The following NPIPB2 variants were observed in gnomAD, a reference collection of about 807,000 sequenced individuals.
NPIPB2 encodes the protein nuclear pore complex interacting protein family member B2.
NPIPB2 carries 27 observed loss-of-function variants against 30.8 expected under a neutral mutation model. The ratio of observed to expected loss-of-function variants is 0.88; its 90% CI spans 0.65 to 1.21. The LOEUF (loss-of-function observed/expected upper bound fraction) is 1.21. Among genes scored for constraint, NPIPB2 ranks in the 50% most tolerant of loss-of-function variants. NPIPB2 has a pLI of 0.00. For missense variants in NPIPB2, 440 were observed against 446.2 expected (o/e 0.99, Z 0.13); for synonymous variants, 147 against 162.0 (o/e 0.91, Z 0.70).
intron 1 of NPIPB2, among the ~76,000 whole-genome samples, chr16:11,958,832 C>T (rs977330857): frequency 7.2e-5 from 11 of 152,104 alleles, no homozygotes; most frequent in African/African-American, 2.4e-4. Flanking sequence ...AGCTGAGCTA[C>T]CATGGGTGAG....
chr16:11,964,403 G>A (rs11570133), intron 1 of NPIPB2, among the ~76,000 whole-genome samples: 5 of 151,608 alleles, frequency 3.3e-5, no homozygotes, highest in African/African-American at 1.2e-4. Flanking sequence ...CATCACCTCT[G>A]ATCTTCCTGT....
At position 11,976,024 on chromosome 16, in the gene NPIPB2, G is replaced by A. The variant is rs368284588; in HGVS notation, c.-584+544C>T. 2.2e-4 allele frequency among the ~76,000 whole-genome samples: 33 copies of A among 152,008 alleles called. No individual in the cohort carries two copies. In the East Asian group the frequency reaches 4.5e-3, roughly 21 times the overall value. ...TTGAACTGCTGGCCTCAAGCGATCC[G>A]CCTGCCTCCGCCCTCCCAAGTGCTG... On this transcript the variant is annotated intron_variant, in intron 1 of 5. Coordinates refer to the NPIPB2 transcript ENST00000538896.
At chr16:11,973,020 C>A (rs982354755) in intron 1 of NPIPB2, among the ~76,000 whole-genome samples, 1 of 151,510 alleles carries the variant, frequency 6.6e-6, no homozygotes, top group Admixed American at 6.6e-5. Context: ...ATTAGCCGGG[C>A]GCGGTGGCAC....
At chr16:11,962,010 G>A (rs1308790239) in intron 1 of NPIPB2, among the ~76,000 whole-genome samples, 1 of 151,642 alleles carries the variant, frequency 6.6e-6, no homozygotes, top group Non-Finnish European at 1.5e-5. Flanking sequence ...GACCAGCCTG[G>A]GCAACATGAT....
chr16:11,950,099 G>T (rs2055049215), intron 1 of NPIPB2, among the ~76,000 whole-genome samples: 1 of 152,108 alleles, frequency 6.6e-6, no homozygotes, highest in South Asian at 2.1e-4. Flanking sequence ...GCAGTGGCAT[G>T]ATCTTGGCTC....
Position 11,965,320 on chromosome 16 carries a change from T to A in NPIPB2, c.-584+11248A>T, listed in dbSNP as rs372620061. On this transcript the variant is annotated intron_variant, in intron 1 of 5. Transcript: ENST00000538896. ...CTGTAGCTCCCTTGTTTTCTTTTTG[T>A]GATCATGTTGCAGATGGCTGGGCAG... The A allele has an allele frequency of 2.0e-5, 32 of 1,614,168 alleles. 1 individual carries two copies. In the African/African-American group the frequency reaches 3.5e-4, roughly 17 times the overall value.
At chr16:11,961,411 T>TA (rs531678367) in intron 1 of NPIPB2, among the ~76,000 whole-genome samples, 58 of 149,734 alleles carry the variant, frequency 3.9e-4, no homozygotes, top group East Asian at 3.9e-4. Context: ...GTCCTGCATT[T>TA]AAAAAAAAAA....
At chr16:11,958,186 G>A (rs2055126385) in intron 1 of NPIPB2, among the ~76,000 whole-genome samples, 1 of 152,106 alleles carries the variant, frequency 6.6e-6, no homozygotes, top group Non-Finnish European at 1.5e-5. Context: ...AACACTTTGG[G>A]AGACTGTGGC....
chr16:11,960,858 T>G (rs2055148061), intron 1 of NPIPB2, among the ~76,000 whole-genome samples: 1 of 151,770 alleles, frequency 6.6e-6, no homozygotes, highest in Admixed American at 6.6e-5. Flanking sequence ...GGGAGATTTT[T>G]TTTTCTTTCT....
At chr16:11,976,642 T>G, upstream of NPIPB2, 1 of 411,566 alleles carries the variant, frequency 2.4e-6, no homozygotes, top group Non-Finnish European at 4.1e-6. Flanking sequence ...GCGCCGCGGT[T>G]TACGTTCCGG....
rs553568967 is a variant in NPIPB2, at chr16:11,968,243, G to A, written c.-584+8325C>T. 1.6e-4 allele frequency among the ~76,000 whole-genome samples: 25 copies of A among 152,224 alleles called. No homozygotes were observed. In the South Asian group the frequency reaches 3.9e-3, roughly 24 times the overall value. On this transcript the variant is annotated intron_variant, in intron 1 of 5. Transcript: ENST00000538896. ...TGTAATCCCAGCACTTTGAAAGGCC[G>A]AGGCGGGCAGATTACCTGAGGTCAG...
intron 1 of NPIPB2, among the ~76,000 whole-genome samples, chr16:11,956,480 A>T (rs891129054): frequency 1.3e-5 from 2 of 152,182 alleles, no homozygotes; most frequent in Admixed American, 6.6e-5. Context: ...GTTTGAGACC[A>T]GCCTGACCAA....
intron 1 of NPIPB2, among the ~76,000 whole-genome samples, chr16:11,949,082 G>GAGGCTGCTGTGAGCC (rs375693475): frequency 1.3e-5 from 2 of 152,106 alleles, no homozygotes; most frequent in African/African-American, 4.8e-5. Context: ...CCAGGAGGTT[G>GAGGCTGCTGTGAGCC]AGGCTGCTGT....
upstream of NPIPB2, among the ~76,000 whole-genome samples, chr16:11,945,597 G>A (rs984544909): frequency 2.6e-5 from 4 of 152,036 alleles, no homozygotes; most frequent in African/African-American, 9.7e-5. Context: ...AGAAACGCTT[G>A]AACCCGGGAG....
At chr16:11,965,760 CT>C (rs1555510346) in intron 1 of NPIPB2, among the ~76,000 whole-genome samples, 1 of 152,116 alleles carries the variant, frequency 6.6e-6, no homozygotes, top group Non-Finnish European at 1.5e-5. Flanking sequence ...ATAATCCATA[CT>C]TGATTATTTT....
intron 1 of NPIPB2, chr16:11,966,214 A>C: frequency 6.2e-7 from 1 of 1,613,542 alleles, no homozygotes; most frequent in Non-Finnish European, 8.5e-7. Context: ...ATTCAGTGAA[A>C]GGAACGAATG....
chr16:11,942,165 C>G (rs2054951262), upstream of NPIPB2: 1 of 1,461,196 alleles, frequency 6.8e-7, no homozygotes, highest in Non-Finnish European at 9.1e-7. Context: ...ATGCATGGTA[C>G]ATTTACAAAA....
At chr16:11,961,221 G>T (rs1422164499) in intron 1 of NPIPB2, among the ~76,000 whole-genome samples, 1 of 151,950 alleles carries the variant, frequency 6.6e-6, no homozygotes, top group African/African-American at 2.4e-5. Flanking sequence ...TGTCTCCTTT[G>T]CCTGTCTTCC....
chr16:11,950,125 C>T (rs1389234576), intron 1 of NPIPB2, among the ~76,000 whole-genome samples: 5 of 152,084 alleles, frequency 3.3e-5, no homozygotes, highest in African/African-American at 4.8e-5. Flanking sequence ...AGCCACCTCC[C>T]GGGTTCAAGG....
Sources: allele counts gnomAD v4.1 joint callset (sites outside exome capture counted in the v4.1 genomes callset), GRCh38; gene constraint gnomAD v4.1.1; transcripts MANE v1.5; gene names NCBI Gene and HGNC (gene_info 2026-07-23, HGNC 2026-07-21).